The following NEGR1 variants were observed in gnomAD, a reference collection of about 807,000 sequenced individuals.
The protein encoded by NEGR1 is neuronal growth regulator 1.
A neutral mutation model predicts 40.9 loss-of-function variants in NEGR1; 10 were observed. The observed-to-expected ratio is 0.24, with a 90% CI of 0.15 to 0.42. The LOEUF (loss-of-function observed/expected upper bound fraction) is 0.42. Among genes scored for constraint, NEGR1 ranks in the 10% least tolerant of loss-of-function variants. The pLI, the probability that NEGR1 is intolerant of heterozygous loss-of-function variation, is 1.00. For synonymous variants in NEGR1, 185 were observed against 166.8 expected (o/e 1.11, Z -0.84); for missense variants, 352 against 438.9 (o/e 0.80, Z 1.77).
rs1646259749 is a variant in NEGR1 at position 71,403,717 on chromosome 1, A to G, written c.*3729T>C. The G allele has an allele frequency of 5.8e-6, 2 of 346,094 alleles. No individual in the cohort carries two copies. Among genetic ancestry groups the G allele is most frequent in the Non-Finnish European group, 5.3e-6 (1 of 189,700 alleles). The allele number at this position is 346,094 out of a possible 1,614,324, so 21.4% of individuals were successfully genotyped here. A position where few individuals can be genotyped will look rare whatever the true frequency, so the allele number is the denominator to read the frequency against. ...TTTCTCTTAAGCTAATAGAGTTTTA[A>G]AATGAGTCAAATACATATTTTAATT... On this transcript the variant is annotated 3_prime_UTR_variant, in exon 7 of 7. Coordinates refer to ENST00000357731, the MANE Select transcript of NEGR1 (RefSeq NM_173808.3).
intron 1 of NEGR1, among the ~76,000 whole-genome samples, chr1:72,113,785 C>T (rs754268706): frequency 2.6e-5 from 4 of 151,698 alleles, no homozygotes; most frequent in Non-Finnish European, 4.4e-5. Context: ...TCATTTTCTA[C>T]AAATACTGTC....
chr1:71,711,012 T>C (rs551185041), intron 3 of NEGR1, among the ~76,000 whole-genome samples: 6 of 152,068 alleles, frequency 3.9e-5, no homozygotes, highest in South Asian at 4.2e-4. Flanking sequence ...TATATATACC[T>C]ACTATTTACC....
intron 2 of NEGR1, among the ~76,000 whole-genome samples, chr1:71,874,598 C>A (rs538439703): frequency 2.0e-5 from 3 of 152,084 alleles, no homozygotes; most frequent in Non-Finnish European, 4.4e-5. Flanking sequence ...AATATCCCAG[C>A]CTTACATTAT....
Position 71,850,410 on chromosome 1 carries a change from C to G in NEGR1, c.410-74113G>C, listed in dbSNP as rs541443063. Among the ~76,000 whole-genome samples the G allele has an allele frequency of 2.6e-5, 4 of 152,230 alleles. No homozygotes were observed. In the South Asian group the frequency reaches 8.3e-4, roughly 32 times the overall value. On this transcript the variant is annotated intron_variant, in intron 2 of 6. Coordinates refer to ENST00000357731, the MANE Select transcript of NEGR1 (RefSeq NM_173808.3). ...GGCTCAAGCAATCCTCCCTCCTCAG[C>G]CTCCCAAAGTGCTTGGATTACAGCA...
At chr1:72,192,882 A>C (rs543477416) in intron 1 of NEGR1, among the ~76,000 whole-genome samples, 1 of 151,930 alleles carries the variant, frequency 6.6e-6, no homozygotes, top group Non-Finnish European at 1.5e-5. Flanking sequence ...TGTAATACTT[A>C]TAAGCAATTA....
At chr1:71,986,553 C>T in intron 1 of NEGR1, among the ~76,000 whole-genome samples, 1 of 152,164 alleles carries the variant, frequency 6.6e-6, no homozygotes. Context: ...TGCCTTCCTC[C>T]AAGAATACAT....
chr1:71,726,360 A>G (rs1465403268), intron 3 of NEGR1, among the ~76,000 whole-genome samples: 3 of 152,130 alleles, frequency 2.0e-5, no homozygotes, highest in African/African-American at 4.8e-5. Context: ...AGGGTGCCAC[A>G]TGATAACTGC....
chr1:71,742,227 G>T (rs1178977518), intron 3 of NEGR1, among the ~76,000 whole-genome samples: 3 of 152,144 alleles, frequency 2.0e-5, no homozygotes, highest in Non-Finnish European at 4.4e-5. Context: ...TCAGCCTAAG[G>T]ATCAATAGGC....
At chr1:71,761,802 G>A (rs932733300) in intron 3 of NEGR1, among the ~76,000 whole-genome samples, 11 of 151,816 alleles carry the variant, frequency 7.2e-5, no homozygotes, top group South Asian at 2.1e-4. Context: ...ATAAAAGAAC[G>A]GCTATAAAAA....
At chr1:71,836,157 T>C (rs116657682) in intron 2 of NEGR1, among the ~76,000 whole-genome samples, 2,561 of 151,724 alleles carry the variant, frequency 0.017, 75 homozygotes, top group African/African-American at 0.059. Flanking sequence ...AATCCAGGCA[T>C]GTTAAATCTA....
chr1:71,964,041 A>C (rs1646190286), intron 1 of NEGR1, among the ~76,000 whole-genome samples: 1 of 152,178 alleles, frequency 6.6e-6, no homozygotes, highest in Non-Finnish European at 1.5e-5. Context: ...TATACCTTGA[A>C]TTGAAAGTTA....
intron 1 of NEGR1, among the ~76,000 whole-genome samples, chr1:72,185,984 T>C (rs967918092): frequency 3.3e-5 from 5 of 151,830 alleles, no homozygotes; most frequent in African/African-American, 4.8e-5. Flanking sequence ...CTGTGAAATA[T>C]AGAAAATATT....
intron 1 of NEGR1, among the ~76,000 whole-genome samples, chr1:72,200,462 C>T (rs1653163912): frequency 6.6e-6 from 1 of 151,818 alleles, no homozygotes; most frequent in African/African-American, 2.4e-5. Flanking sequence ...GGGAGCTAAA[C>T]ATTGAATACA....
At chr1:72,075,919 GGTT>G (rs1200767581) in intron 1 of NEGR1, among the ~76,000 whole-genome samples, 2 of 152,166 alleles carry the variant, frequency 1.3e-5, no homozygotes, top group East Asian at 1.9e-4. Context: ...TTCTCTGGGT[GGTT>G]GTTGTTGATT....
chr1:71,887,923 T>C (rs1660771651), intron 2 of NEGR1, among the ~76,000 whole-genome samples: 1 of 151,912 alleles, frequency 6.6e-6, no homozygotes, highest in Non-Finnish European at 1.5e-5. Context: ...CTTGCATGTC[T>C]TTTATTCCTA....
At chr1:72,025,316 A>G (rs1049197437) in intron 1 of NEGR1, among the ~76,000 whole-genome samples, 2 of 152,174 alleles carry the variant, frequency 1.3e-5, no homozygotes, top group African/African-American at 4.8e-5. Context: ...AAATGACCTT[A>G]TATAACATTC....
intron 1 of NEGR1, among the ~76,000 whole-genome samples, chr1:72,130,309 T>A (rs1650196295): frequency 6.6e-6 from 1 of 152,278 alleles, no homozygotes; most frequent in African/African-American, 2.4e-5. Context: ...CCCGAAACAC[T>A]GAAATATCAA....
At chr1:72,007,336 C>T (rs1646616588) in intron 1 of NEGR1, among the ~76,000 whole-genome samples, 1 of 151,062 alleles carries the variant, frequency 6.6e-6, no homozygotes, top group African/African-American at 2.4e-5. Flanking sequence ...TTAAAACTTT[C>T]TTCTCTTTTT....
rs1220927406 is a variant in NEGR1, at chr1:71,405,763, T to A, written c.*1683A>T. The A allele has an allele frequency of 6.6e-6, 1 of 151,772 alleles. No individual in the cohort carries two copies. The highest frequency in any genetic ancestry group is 1.5e-5 in the Non-Finnish European group (1 of 67,654). The allele number at this position is 151,772 out of a possible 1,614,324, so 9.4% of individuals were successfully genotyped here. ...AGATATCTCAAATATGTATAACCAC[T>A]GCAAAATTTCTTGTATCTAATTTTA... On this transcript the variant is annotated 3_prime_UTR_variant, in exon 7 of 7. Coordinates refer to ENST00000357731, the MANE Select transcript of NEGR1 (RefSeq NM_173808.3).
Sources: allele counts gnomAD v4.1 joint callset (sites outside exome capture counted in the v4.1 genomes callset), GRCh38; gene constraint gnomAD v4.1.1; transcripts MANE v1.5; gene names NCBI Gene and HGNC (gene_info 2026-07-23, HGNC 2026-07-21).